DNAAF6: variants seen among roughly 807,000 people sequenced by gnomAD.
DNAAF6 encodes dynein axonemal assembly factor 6.
Under a neutral mutation model 13.7 loss-of-function variants are expected in DNAAF6, and 3 were observed. That is an observed-to-expected ratio of 0.22 (90% CI 0.10 to 0.56). The LOEUF (loss-of-function observed/expected upper bound fraction) is 0.56. DNAAF6 is among the 20% of genes least tolerant of loss of function. The probability of loss-of-function intolerance (pLI) is 0.92; values close to 1 mark genes in which losing one functional copy is unlikely to be tolerated. For synonymous variants in DNAAF6, 54 were observed against 49.2 expected, an observed-to-expected ratio of 1.10 and a Z score of -0.41; for missense variants, 130 against 151.0, an observed-to-expected ratio of 0.86 and a Z score of 0.73.
chrX:107,207,757 C>G (rs1340158692), intron 1 of DNAAF6, among the ~76,000 whole-genome samples: 1 of 111,189 alleles, frequency 9.0e-6, no homozygotes, highest in Non-Finnish European at 1.9e-5. Flanking sequence ...TATGGCGAAA[C>G]CTGGTCTCCA....
chrX:107,234,585 G>T (rs1473436731), intron 5 of DNAAF6, among the ~76,000 whole-genome samples: 1 of 111,858 alleles, frequency 8.9e-6, no homozygotes, highest in Non-Finnish European at 1.9e-5. Flanking sequence ...AATGTGTGAG[G>T]AGTGGTTTCT....
intron 1 of DNAAF6, among the ~76,000 whole-genome samples, chrX:107,210,564 G>T (rs1483192997): frequency 9.1e-6 from 1 of 109,936 alleles, no homozygotes; most frequent in African/African-American, 3.3e-5. Flanking sequence ...GACCACAGGG[G>T]CACACCACCG....
chrX:107,239,990 T>A (rs1249262151), intron 6 of DNAAF6, among the ~76,000 whole-genome samples: 2 of 111,930 alleles, frequency 1.8e-5, no homozygotes, highest in African/African-American at 6.5e-5. Flanking sequence ...GCAAGCTTGT[T>A]AAAAGCACAC....
In DNAAF6 at chrX:107,243,160, T is replaced by G. The variant is rs779331628; in HGVS notation, c.516-9T>G. ...GAAGCTAAGGTTTTATTTTGTTGTT[T>G]TTTTTTAGGAAGCTGTTGATAACTC... On this transcript the variant is annotated splice_polypyrimidine_tract_variant and intron_variant, in intron 6 of 6. Coordinates refer to ENST00000372453, the MANE Select transcript of DNAAF6 (RefSeq NM_173494.2). 1.7e-6 allele frequency: 2 copies of G among 1,197,574 alleles called. No individual in the cohort carries two copies. The highest frequency in any genetic ancestry group is 2.4e-5 in the Admixed American group (1 of 41,623).
intron 5 of DNAAF6, among the ~76,000 whole-genome samples, chrX:107,223,789 A>C: frequency 9.0e-6 from 1 of 111,666 alleles, no homozygotes; most frequent in Non-Finnish European, 1.9e-5. Flanking sequence ...CAAGTAACAT[A>C]ATGGGAATAG....
chrX:107,234,163 T>G, intron 5 of DNAAF6, among the ~76,000 whole-genome samples: 1 of 111,570 alleles, frequency 9.0e-6, no homozygotes, highest in East Asian at 2.8e-4. Context: ...AAAAGACAGG[T>G]GTGGCAATAT....
At chrX:107,211,332 T>G (rs758914823) in intron 1 of DNAAF6, among the ~76,000 whole-genome samples, 7 of 112,538 alleles carry the variant, frequency 6.2e-5, no homozygotes, top group East Asian at 2.8e-4. Context: ...ATGATTGATT[T>G]ATTTATTTTT....
At chrX:107,240,749 G>T (rs752438711) in intron 6 of DNAAF6, among the ~76,000 whole-genome samples, 1 of 111,589 alleles carries the variant, frequency 9.0e-6, no homozygotes, top group Non-Finnish European at 1.9e-5. Flanking sequence ...GAGGAAAGAC[G>T]GAGAAAATTG....
intron 6 of DNAAF6, among the ~76,000 whole-genome samples, chrX:107,241,768 T>C (rs1014801813): frequency 8.9e-6 from 1 of 111,842 alleles, no homozygotes; most frequent in Non-Finnish European, 1.9e-5. Context: ...GCCATACTAC[T>C]TAGAACTACA....
chrX:107,229,719 G>A (rs187319115), intron 5 of DNAAF6, among the ~76,000 whole-genome samples: 1 of 109,546 alleles, frequency 9.1e-6, no homozygotes, highest in East Asian at 2.9e-4. Context: ...TTTAACTCTC[G>A]CTCTGTCACC....
At chrX:107,213,163 A>G in intron 2 of DNAAF6, 135 bp downstream of exon 2, 2 of 580,751 alleles carry the variant, frequency 3.4e-6, no homozygotes, top group East Asian at 7.9e-5. Flanking sequence ...TACAAGGCTG[A>G]TTATGCATGA....
intron 5 of DNAAF6, among the ~76,000 whole-genome samples, chrX:107,226,776 A>C (rs1475218776): frequency 9.0e-6 from 1 of 111,470 alleles, no homozygotes; most frequent in African/African-American, 3.3e-5. Context: ...TATATTGATA[A>C]GGCGACATTC....
intron 4 of DNAAF6, among the ~76,000 whole-genome samples, chrX:107,221,306 C>T (rs182926646): frequency 1.3e-4 from 14 of 109,192 alleles, no homozygotes; most frequent in Admixed American, 1.1e-3. Context: ...CAACCACCGC[C>T]CCCCCGGCCC....
At chrX:107,211,679 TG>T (rs1927859794) in intron 1 of DNAAF6, among the ~76,000 whole-genome samples, 1 of 112,374 alleles carries the variant, frequency 8.9e-6, no homozygotes, top group Non-Finnish European at 1.9e-5. Context: ...TTGCTAAAAT[TG>T]CTTTTGAAAC....
chrX:107,217,280 A>G (rs1054370404), intron 3 of DNAAF6, among the ~76,000 whole-genome samples: 2 of 111,636 alleles, frequency 1.8e-5, no homozygotes, highest in South Asian at 7.5e-4. Flanking sequence ...TTTAAGGTCT[A>G]TTTACCAAGA....
intron 5 of DNAAF6, among the ~76,000 whole-genome samples, chrX:107,229,803 T>G (rs977034586): frequency 9.0e-6 from 1 of 110,883 alleles, no homozygotes; most frequent in Non-Finnish European, 1.9e-5. Context: ...TTCTCCTGCC[T>G]CAGGCTCCGG....
chrX:107,216,797 A>G (rs1333003724), intron 3 of DNAAF6, 54 bp downstream of exon 3: 1 of 891,448 alleles, frequency 1.1e-6, no homozygotes, highest in East Asian at 3.3e-5. Flanking sequence ...CTTGGTAGAG[A>G]AATTATAGGG....
Position 107,212,986 on chromosome X carries a change from G to A in DNAAF6, c.111G>A (p.Lys37=). 2.5e-6 allele frequency: 3 copies of A among 1,206,393 alleles called. No homozygotes were observed. The highest frequency in any genetic ancestry group is 3.4e-6 in the Non-Finnish European group (3 of 893,473). ...SSVTALEALS[K]LLNPEEEDDS... ...TTACAGCTCTGGAAGCCCTCTCTAA[G>A]CTACTTAATCCTGAAGAAGAGGATG... Residue 37 remains lysine (K), a synonymous_variant, in exon 2 of 7, where the codon AAG becomes AAA. Transcript: ENST00000372453.
chrX:107,236,303 C>T (rs1451664814), intron 5 of DNAAF6, among the ~76,000 whole-genome samples: 1 of 112,025 alleles, frequency 8.9e-6, no homozygotes, highest in Non-Finnish European at 1.9e-5. Flanking sequence ...AATTTGCACC[C>T]TATGTAAAGA....
Sources: gnomAD v4.1 joint callset for allele counts (sites outside exome capture counted in the v4.1 genomes callset) on GRCh38, gnomAD v4.1.1 for gene constraint, MANE v1.5 for transcripts, NCBI Gene and HGNC (gene_info 2026-07-23, HGNC 2026-07-21) for gene names.